Variants in ADGRL4 observed in about 807,000 individuals in gnomAD.
ADGRL4 encodes the protein adhesion G protein-coupled receptor L4.
Under a neutral mutation model 74.8 loss-of-function variants are expected in ADGRL4, and 90 were observed. The ratio of observed to expected loss-of-function variants is 1.20; its 90% confidence interval spans 1.02 to 1.43. The LOEUF (loss-of-function observed/expected upper bound fraction) is 1.43, where lower values mean the gene tolerates loss of function less well. Among genes scored for constraint, ADGRL4 ranks in the 40% most tolerant of loss-of-function variants. The pLI, the probability that ADGRL4 is intolerant of heterozygous loss-of-function variation, is 0.00. For missense variants in ADGRL4, 881 were observed against 814.3 expected (o/e 1.08, Z -1.00); for synonymous variants, 311 against 279.2 (o/e 1.11, Z -1.14).
At chr1:78,891,242 G>A (rs1431054504) in intron 14 of ADGRL4, 26 bp from the exon 15 acceptor site, 2 of 1,572,326 alleles carry the variant, frequency 1.3e-6, no homozygotes, top group African/African-American at 1.4e-5. Flanking sequence ...AGGAAAGGAA[G>A]AAATGTTAAT....
intron 2 of ADGRL4, among the ~76,000 whole-genome samples, chr1:78,947,939 A>C (rs558061155): frequency 1.3e-5 from 2 of 152,188 alleles, no homozygotes; most frequent in Non-Finnish European, 2.9e-5. Flanking sequence ...TATAGTAATT[A>C]CTAAAAGTTG....
chr1:78,985,879 A>G (rs1195452106), intron 2 of ADGRL4, among the ~76,000 whole-genome samples: 1 of 151,836 alleles, frequency 6.6e-6, no homozygotes, highest in Non-Finnish European at 1.5e-5. Flanking sequence ...TTGCACCAAC[A>G]TAGAGTTAAA....
chr1:78,917,533 C>T, intron 12 of ADGRL4, 101 bp downstream of exon 12: 2 of 669,394 alleles, frequency 3.0e-6, no homozygotes, highest in Non-Finnish European at 4.9e-6. Flanking sequence ...GTAAAATATT[C>T]AAATTCTTCT....
chr1:78,981,031 G>A (rs1291381707), intron 2 of ADGRL4, among the ~76,000 whole-genome samples: 1 of 151,912 alleles, frequency 6.6e-6, no homozygotes, highest in Non-Finnish European at 1.5e-5. Flanking sequence ...TACTTCTTTT[G>A]TCAAAGGTTA....
intron 2 of ADGRL4, among the ~76,000 whole-genome samples, chr1:78,991,977 CA>C (rs1650615841): frequency 6.6e-6 from 1 of 151,994 alleles, no homozygotes; most frequent in Non-Finnish European, 1.5e-5. Flanking sequence ...AACACTCATA[CA>C]GTAAATTTTA....
chr1:78,941,699 G>T (rs1358994478), intron 3 of ADGRL4, among the ~76,000 whole-genome samples: 2 of 151,980 alleles, frequency 1.3e-5, no homozygotes, highest in Non-Finnish European at 2.9e-5. Context: ...AGTGAAACTG[G>T]CTTGTCTACA....
chr1:78,946,563 A>G, intron 2 of ADGRL4, 137 bp from the exon 3 acceptor site: 2 of 650,382 alleles, frequency 3.1e-6, no homozygotes, highest in Non-Finnish European at 5.0e-6. Flanking sequence ...CTTAGTGCTA[A>G]AGAATCCATA....
At position 78,949,169 on chromosome 1, in the gene ADGRL4, T is replaced by C. The variant is rs1649672061; in HGVS notation, c.173-2743A>G. Among the ~76,000 whole-genome samples the C allele has an allele frequency of 2.0e-5, 3 of 152,000 alleles. No individual in the cohort carries two copies. The South Asian group carries it at 6.2e-4, about 31-fold the overall frequency. ...CAAAAATATAGAGAAAAAGAACACA[T>C]GAGGTCTGAGGTATTGGTTGGAGTA... On this transcript the variant is annotated intron_variant, in intron 2 of 14. Transcript: ENST00000370742.
chr1:78,898,257 T>C (rs540841682), intron 12 of ADGRL4, among the ~76,000 whole-genome samples: 1 of 152,278 alleles, frequency 6.6e-6, no homozygotes, highest in Admixed American at 6.5e-5. Context: ...ACTATGTTTA[T>C]ATGGCAGTGT....
intron 12 of ADGRL4, among the ~76,000 whole-genome samples, chr1:78,905,781 C>A (rs1387204125): frequency 2.6e-5 from 4 of 151,870 alleles, no homozygotes; most frequent in Non-Finnish European, 4.4e-5. Context: ...AGGATAGACC[C>A]TATATTTAAA....
chr1:78,944,244 G>A (rs1649550171), intron 3 of ADGRL4, among the ~76,000 whole-genome samples: 1 of 152,184 alleles, frequency 6.6e-6, no homozygotes, highest in African/African-American at 2.4e-5. Context: ...AGGGAATGGA[G>A]AGCACAGTTA....
At chr1:78,955,562 TC>T (rs1451108972) in intron 2 of ADGRL4, among the ~76,000 whole-genome samples, 10 of 152,186 alleles carry the variant, frequency 6.6e-5, no homozygotes, top group African/African-American at 2.2e-4. Context: ...TTGTTTTTTT[TC>T]CTACAATAAA....
chr1:78,999,020 A>T (rs1650781550), intron 2 of ADGRL4, among the ~76,000 whole-genome samples: 1 of 152,192 alleles, frequency 6.6e-6, no homozygotes, highest in African/African-American at 2.4e-5. Flanking sequence ...TAAGCTGCAA[A>T]CCTGAAACTT....
intron 1 of ADGRL4, among the ~76,000 whole-genome samples, chr1:79,005,426 C>G (rs1241442146): frequency 6.6e-6 from 1 of 151,952 alleles, no homozygotes; most frequent in Non-Finnish European, 1.5e-5. Context: ...TTTTTTTGTT[C>G]CAATTTCAAC....
intron 2 of ADGRL4, among the ~76,000 whole-genome samples, chr1:78,983,368 T>C (rs1345543922): frequency 6.6e-6 from 1 of 151,222 alleles, no homozygotes; most frequent in Non-Finnish European, 1.5e-5. Flanking sequence ...AGATAAGCAA[T>C]GGAGTTTAAT....
At chr1:78,981,712 T>C (rs150000058) in intron 2 of ADGRL4, among the ~76,000 whole-genome samples, 94 of 152,020 alleles carry the variant, frequency 6.2e-4, no homozygotes, top group African/African-American at 2.1e-3. Flanking sequence ...TATTTTTATG[T>C]CTTGGTTTAC....
At chr1:78,945,164 CAAA>C (rs57419194) in intron 3 of ADGRL4, among the ~76,000 whole-genome samples, 1 of 116,540 alleles carries the variant, frequency 8.6e-6, no homozygotes, top group Non-Finnish European at 1.8e-5. Context: ...GACTCTGTCT[CAAA>C]AAAAAAAAAA....
intron 2 of ADGRL4, among the ~76,000 whole-genome samples, chr1:78,948,675 A>T (rs913645076): frequency 4.6e-5 from 7 of 152,182 alleles, no homozygotes; most frequent in Non-Finnish European, 8.8e-5. Context: ...CTATATGGCT[A>T]TATATACTCA....
chr1:78,957,735 C>A (rs1649864730), intron 2 of ADGRL4, among the ~76,000 whole-genome samples: 2 of 152,090 alleles, frequency 1.3e-5, no homozygotes, highest in African/African-American at 4.8e-5. Context: ...AGCAAGTTAT[C>A]CAGAAATCTG....
Sources: allele counts gnomAD v4.1 joint callset (sites outside exome capture counted in the v4.1 genomes callset), GRCh38; gene constraint gnomAD v4.1.1; transcripts MANE v1.5; gene names NCBI Gene and HGNC (gene_info 2026-07-23, HGNC 2026-07-21).